STXBP4: variants seen among roughly 807,000 people sequenced by gnomAD.
STXBP4 encodes syntaxin binding protein 4, also known as syntaxin-binding protein 4.
A neutral mutation model predicts 76.1 loss-of-function variants in STXBP4; 55 were observed. That is an observed-to-expected ratio of 0.72 (90% confidence interval 0.58 to 0.91). The LOEUF is 0.91. Ranked by LOEUF, STXBP4 falls within the 40% of genes least tolerant of loss-of-function variation. STXBP4 has a pLI of 0.00. For synonymous variants in STXBP4, 201 were observed against 220.2 expected (o/e 0.91, Z 0.77); for missense variants, 618 against 636.9 (o/e 0.97, Z 0.32).
At chr17:55,064,612 G>T (rs369370653) in intron 12 of STXBP4, among the ~76,000 whole-genome samples, 14 of 151,986 alleles carry the variant, frequency 9.2e-5, no homozygotes, top group African/African-American at 3.4e-4. Flanking sequence ...TACTGCCTCC[G>T]CCTCCTGAGT....
chr17:55,175,490 AGAG>A (rs555531835), downstream of STXBP4, among the ~76,000 whole-genome samples: 63 of 152,342 alleles, frequency 4.1e-4, no homozygotes, highest in Admixed American at 1.6e-3. Context: ...TGCACCAAGC[AGAG>A]GAGTTTATCA....
At chr17:55,041,530 C>G (rs963625534) in intron 10 of STXBP4, among the ~76,000 whole-genome samples, 1 of 152,060 alleles carries the variant, frequency 6.6e-6, no homozygotes, top group East Asian at 1.9e-4. Context: ...ATTTAAACTT[C>G]TGAATCCTGC....
At chr17:55,139,471 AT>A (rs2080070586) in intron 16 of STXBP4, among the ~76,000 whole-genome samples, 1 of 152,112 alleles carries the variant, frequency 6.6e-6, no homozygotes, top group African/African-American at 2.4e-5. Context: ...ATTTCTGAGC[AT>A]TTTTGTCATG....
intron 9 of STXBP4, among the ~76,000 whole-genome samples, chr17:55,032,063 C>G (rs2078518365): frequency 6.6e-6 from 1 of 152,122 alleles, no homozygotes; most frequent in South Asian, 2.1e-4. Flanking sequence ...CAAATCCTCA[C>G]AAATGATTTG....
At chr17:54,982,704 G>A (rs944387891) in intron 1 of STXBP4, among the ~76,000 whole-genome samples, 1 of 151,884 alleles carries the variant, frequency 6.6e-6, no homozygotes, top group Non-Finnish European at 1.5e-5. Context: ...TAAAGAGAGA[G>A]TAGGAAGCAG....
intron 8 of STXBP4, among the ~76,000 whole-genome samples, chr17:55,016,822 T>C (rs2078216492): frequency 6.6e-6 from 1 of 152,224 alleles, no homozygotes; most frequent in Non-Finnish European, 1.5e-5. Flanking sequence ...GATTTTTGAG[T>C]TAGTAAGCTA....
chr17:55,043,383 A>G (rs990086316), intron 11 of STXBP4, 58 bp downstream of exon 11: 1 of 1,054,968 alleles, frequency 9.5e-7, no homozygotes, highest in Non-Finnish European at 1.3e-6. Context: ...AAAGAAAAAA[A>G]TCCTATATTG....
At chr17:55,195,246 A>T in the STXBP4 span, among the ~76,000 whole-genome samples, 1 of 152,144 alleles carries the variant, frequency 6.6e-6, no homozygotes, top group African/African-American at 2.4e-5. Context: ...GAGTCCAGAG[A>T]TCTTATGAAG....
At chr17:55,211,099 C>G in the STXBP4 span, among the ~76,000 whole-genome samples, 1,527 of 152,194 alleles carry the variant, frequency 0.01, 6 homozygotes, top group Non-Finnish European at 0.016. Context: ...AAATGCCCCC[C>G]CCCATGAAAT....
chr17:55,211,799 G>GTTTTGTTTT, the STXBP4 span, among the ~76,000 whole-genome samples: 2 of 48,980 alleles, frequency 4.1e-5, no homozygotes, highest in Admixed American at 3.1e-4. Context: ...GTTTTTTGTT[G>GTTTTGTTTT]TTTTTTTTTT....
At chr17:55,199,050 GA>G in the STXBP4 span, among the ~76,000 whole-genome samples, 112 of 151,980 alleles carry the variant, frequency 7.4e-4, no homozygotes, top group Middle Eastern at 3.4e-3. Flanking sequence ...AATCTTTCAA[GA>G]AAAAAAAGAC....
chr17:55,020,638 T>G (rs1434412729), intron 8 of STXBP4, among the ~76,000 whole-genome samples: 1 of 152,050 alleles, frequency 6.6e-6, no homozygotes, highest in Non-Finnish European at 1.5e-5. Context: ...GCCAACATGG[T>G]GAAGCACTGT....
chr17:55,155,891 A>G (rs2080271576), intron 17 of STXBP4, among the ~76,000 whole-genome samples: 1 of 152,180 alleles, frequency 6.6e-6, no homozygotes, highest in Non-Finnish European at 1.5e-5. Flanking sequence ...GTTTTTTAAT[A>G]AGCTCTAAAA....
the STXBP4 span, among the ~76,000 whole-genome samples, chr17:55,181,260 A>T: frequency 6.6e-6 from 1 of 152,370 alleles, no homozygotes. Flanking sequence ...TCCTCATGCT[A>T]TCAATAATCA....
intron 16 of STXBP4, among the ~76,000 whole-genome samples, chr17:55,132,270 C>T (rs568327374): frequency 6.6e-6 from 1 of 152,302 alleles, no homozygotes; most frequent in South Asian, 2.1e-4. Flanking sequence ...CAGCTCACTG[C>T]AACCTCTGCC....
chr17:54,998,641 T>C (rs2077853882), intron 4 of STXBP4, among the ~76,000 whole-genome samples: 1 of 152,134 alleles, frequency 6.6e-6, no homozygotes, highest in South Asian at 2.1e-4. Context: ...CATAGGGGGA[T>C]AGCAGGTATA....
rs116235970 is a variant in STXBP4 at position 55,018,545 on chromosome 17, G to C, written c.666+10948G>C. ...TACATGAGGTGTGTTTCATGCATCC[G>C]TGTGAAGAGACCACCAAAGAGGCTT... On this transcript the variant is annotated intron_variant, in intron 8 of 17. Coordinates refer to ENST00000376352, the MANE Select transcript of STXBP4 (RefSeq NM_178509.6). Among the ~76,000 whole-genome samples the C allele has an allele frequency of 4.3e-3, 648 of 152,286 alleles. 2 individuals are homozygous for C. The highest frequency in any genetic ancestry group is 0.014 in the African/African-American group (595 of 41,548).
intron 8 of STXBP4, among the ~76,000 whole-genome samples, chr17:55,019,306 G>T (rs996952532): frequency 6.6e-6 from 1 of 151,826 alleles, no homozygotes; most frequent in Non-Finnish European, 1.5e-5. Flanking sequence ...CCTCCAACTT[G>T]TTTGAAAATT....
intron 12 of STXBP4, among the ~76,000 whole-genome samples, chr17:55,065,621 CTTTT>C (rs796403588): frequency 6.8e-6 from 1 of 146,412 alleles, no homozygotes; most frequent in Admixed American, 6.8e-5. Context: ...AGGAAAGTAG[CTTTT>C]TTTTTTTCTA....
Sources: allele counts gnomAD v4.1 joint callset (sites outside exome capture counted in the v4.1 genomes callset), GRCh38; gene constraint gnomAD v4.1.1; transcripts MANE v1.5; gene names NCBI Gene and HGNC (gene_info 2026-07-23, HGNC 2026-07-21).